The following IFRD1 variants were observed in gnomAD, a reference collection of about 807,000 sequenced individuals.
IFRD1 encodes the protein interferon-related developmental regulator 1.
A neutral mutation model predicts 52.9 loss-of-function variants in IFRD1; 35 were observed. The ratio of observed to expected loss-of-function variants is 0.66; its 90% CI spans 0.51 to 0.88. The LOEUF is 0.88. IFRD1 is among the 40% of genes least tolerant of loss of function. IFRD1 has a pLI of 0.00. For missense variants in IFRD1, 517 were observed against 550.8 expected, an observed-to-expected ratio of 0.94 and a Z score of 0.61; for synonymous variants, 184 against 188.4, an observed-to-expected ratio of 0.98 and a Z score of 0.19.
At chr7:112,436,337 A>G (rs1794690446) in intron 1 of IFRD1, among the ~76,000 whole-genome samples, 1 of 152,250 alleles carries the variant, frequency 6.6e-6, no homozygotes, top group South Asian at 2.1e-4. Context: ...ATGCAAAATG[A>G]GATCACCAAG....
Position 112,450,571 on chromosome 7 carries a change from T to G in IFRD1, c.-118T>G. On this transcript the variant is annotated 5_prime_UTR_variant, in exon 1 of 12. Coordinates refer to ENST00000403825, the MANE Select transcript of IFRD1 (RefSeq NM_001550.4). ...TTACCCCCGCCGCTTCTCGACTCTG[T>G]TGTTAGCCGAAGACTCGCCTCTCAG... The G allele has an allele frequency of 1.2e-5, 9 of 764,902 alleles. No homozygotes were observed. Among genetic ancestry groups the G allele is most frequent in the Non-Finnish European group, 1.6e-5 (7 of 430,756 alleles). The allele number at this position is 764,902 out of a possible 1,614,324, so 47.4% of individuals were successfully genotyped here.
At chr7:112,460,241 GTTTTTTTTTTTTTT>G (rs35314166) in intron 5 of IFRD1, among the ~76,000 whole-genome samples, 1 of 92,950 alleles carries the variant, frequency 1.1e-5, no homozygotes, top group African/African-American at 3.9e-5. Flanking sequence ...CAGTCCTAGG[GTTTTTTTTTTTTTT>G]TTTTTTTTTG....
chr7:112,429,125 T>C (rs1239867733), intron 1 of IFRD1, among the ~76,000 whole-genome samples: 2 of 152,258 alleles, frequency 1.3e-5, no homozygotes, highest in African/African-American at 4.8e-5. Flanking sequence ...TTGCCTTAGT[T>C]GCAATTACTC....
rs765181560 is a variant in IFRD1 at position 112,455,955 on chromosome 7, G to A, written c.200-47G>A. On this transcript the variant is annotated intron_variant, in intron 2 of 11. Coordinates refer to ENST00000403825, the MANE Select transcript of IFRD1 (RefSeq NM_001550.4). ...TAGCTAAAGTATACTATTATTCCCT[G>A]TTTTTTTTCTTTTAAATTACGATGG... 4.8e-6 allele frequency: 7 copies of A among 1,464,768 alleles called. No homozygotes were observed. In the Admixed American group the frequency reaches 5.0e-5, roughly 11 times the overall value. The allele number at this position is 1,464,768 out of a possible 1,614,324, so 90.7% of individuals were successfully genotyped here.
chr7:112,458,937 T>C lies in IFRD1; in HGVS notation c.486T>C (p.Ser162=), dbSNP rs920649911. The C allele has an allele frequency of 1.9e-6, 3 of 1,613,914 alleles. No individual in the cohort carries two copies. Among genetic ancestry groups the C allele is most frequent in the Non-Finnish European group, 2.5e-6 (3 of 1,179,806 alleles). Reference sequence around the variant, plus strand: ...TTCAGCTGGGCCCTGGAATTGAAAGTGAAGAGATTTTGAAAACTCTTGGAC... The same window carrying C: ...TTCAGCTGGGCCCTGGAATTGAAAGCGAAGAGATTTTGAAAACTCTTGGAC... The part of the protein sequence containing the change: ...LCIQLGPGIE[S]EEILKTLGPI... Residue 162 remains serine, a synonymous_variant, in exon 5 of 12, where the codon AGT becomes AGC. Transcript: ENST00000403825.
intron 9 of IFRD1, 148 bp from the exon 10 acceptor site, chr7:112,472,071 T>C (rs1249908978): frequency 2.5e-6 from 2 of 807,986 alleles, no homozygotes; most frequent in East Asian, 5.1e-5. Flanking sequence ...AGCAACAGTT[T>C]GTCCACATCT....
At chr7:112,473,284 T>C (rs965620171) in intron 11 of IFRD1, among the ~76,000 whole-genome samples, 1 of 152,202 alleles carries the variant, frequency 6.6e-6, no homozygotes, top group African/African-American at 2.4e-5. Context: ...TTTTATTCTT[T>C]GGAGTTTTTA....
chr7:112,441,538 C>T (rs1046062314), intron 1 of IFRD1, among the ~76,000 whole-genome samples: 2 of 152,092 alleles, frequency 1.3e-5, no homozygotes, highest in Admixed American at 1.3e-4. Context: ...AAGCTCATGA[C>T]GAGATGGGAA....
Position 112,426,558 on chromosome 7 carries a change from A to C in IFRD1, c.-182+3126A>C, listed in dbSNP as rs543227498. 2.7e-4 allele frequency among the ~76,000 whole-genome samples: 41 copies of C among 152,328 alleles called. No homozygotes were observed. In the South Asian group the frequency reaches 8.3e-3, roughly 31 times the overall value. ...TTCTTGCCGCATCATGTAAACCAAA[A>C]ATACAATTATAAGTCCTGCCAGCCA... On this transcript the variant is annotated intron_variant, in intron 1 of 12. Transcript: ENST00000005558.
At chr7:112,465,340 T>A (rs552619725) in intron 8 of IFRD1, among the ~76,000 whole-genome samples, 1 of 152,372 alleles carries the variant, frequency 6.6e-6, no homozygotes, top group South Asian at 2.1e-4. Flanking sequence ...GGTTAGCTTT[T>A]GTGACCTTAA....
At chr7:112,431,818 A>G (rs1463003730) in intron 1 of IFRD1, among the ~76,000 whole-genome samples, 2 of 152,234 alleles carry the variant, frequency 1.3e-5, no homozygotes, top group East Asian at 3.8e-4. Context: ...AAACTCCTTT[A>G]TATGGAAACT....
At chr7:112,423,536 C>T (rs2117213242) in intron 1 of IFRD1, 1 of 152,308 alleles carries the variant, frequency 6.6e-6, no homozygotes, top group South Asian at 2.1e-4. Flanking sequence ...AGAGTCCATG[C>T]TCTTAACCCG....
chr7:112,423,972 T>C (rs1006833181), intron 1 of IFRD1, among the ~76,000 whole-genome samples: 3 of 152,252 alleles, frequency 2.0e-5, no homozygotes, highest in Admixed American at 2.0e-4. Context: ...CAGAGTCCAG[T>C]TAACGAGAGC....
intron 11 of IFRD1, among the ~76,000 whole-genome samples, chr7:112,473,329 A>G (rs918881775): frequency 1.3e-5 from 2 of 152,140 alleles, no homozygotes; most frequent in Non-Finnish European, 2.9e-5. Flanking sequence ...GTCCTTTTGT[A>G]TCAGATAATA....
At chr7:112,427,404 T>C (rs1794451203) in intron 1 of IFRD1, among the ~76,000 whole-genome samples, 1 of 152,234 alleles carries the variant, frequency 6.6e-6, no homozygotes, top group Non-Finnish European at 1.5e-5. Flanking sequence ...GCAGTGCTCC[T>C]CTGCCAGCCC....
At chr7:112,442,769 C>T (rs1389664750) in intron 1 of IFRD1, among the ~76,000 whole-genome samples, 1 of 152,154 alleles carries the variant, frequency 6.6e-6, no homozygotes, top group Non-Finnish European at 1.5e-5. Flanking sequence ...TTCTCATGCT[C>T]TAGAACATGC....
intron 5 of IFRD1, among the ~76,000 whole-genome samples, chr7:112,460,421 T>C (rs565677855): frequency 3.0e-4 from 46 of 151,918 alleles, no homozygotes; most frequent in African/African-American, 9.7e-4. Flanking sequence ...GCTTTTAATA[T>C]TTTGTAGAGA....
chr7:112,472,930 C>A, intron 11 of IFRD1, 69 bp downstream of exon 11: 1 of 1,031,852 alleles, frequency 9.7e-7, no homozygotes, highest in Non-Finnish European at 1.5e-6. Context: ...GTGTCAGCAA[C>A]TTAGCTGTGT....
At chr7:112,473,120 CAG>C (rs747875221) in intron 11 of IFRD1, among the ~76,000 whole-genome samples, 1 of 151,510 alleles carries the variant, frequency 6.6e-6, no homozygotes. Context: ...AAAAGCAAAA[CAG>C]AGAAAAGAAT....
Sources: allele counts gnomAD v4.1 joint callset (sites outside exome capture counted in the v4.1 genomes callset), GRCh38; gene constraint gnomAD v4.1.1; transcripts MANE v1.5; gene names NCBI Gene and HGNC (gene_info 2026-07-23, HGNC 2026-07-21).